PHF20L1: variants seen among roughly 807,000 people sequenced by gnomAD.
PHF20L1 encodes the protein PHD finger protein 20-like protein 1.
PHF20L1 carries 44 observed loss-of-function variants against 125.5 expected under a neutral mutation model. That is an observed-to-expected ratio of 0.35 (90% confidence interval 0.28 to 0.45). PHF20L1 has a LOEUF of 0.45. Among genes scored for constraint, PHF20L1 ranks in the 20% least tolerant of loss-of-function variants. The pLI is 1.00. For missense variants in PHF20L1, 1,012 were observed against 1,217.2 expected, an observed-to-expected ratio of 0.83 and a Z score of 2.51; for synonymous variants, 380 against 403.1, an observed-to-expected ratio of 0.94 and a Z score of 0.69.
At chr8:132,826,231 A>T (rs907705636) in intron 14 of PHF20L1, 2 of 151,574 alleles carry the variant, frequency 1.3e-5, no homozygotes, top group Non-Finnish European at 2.9e-5. Context: ...ATGAAACGCA[A>T]TTGTTAAAAC....
At chr8:132,833,226 T>G (rs1273590470) in intron 15 of PHF20L1, among the ~76,000 whole-genome samples, 1 of 152,090 alleles carries the variant, frequency 6.6e-6, no homozygotes, top group African/African-American at 2.4e-5. Flanking sequence ...CCCTTTTTCT[T>G]TCTTCTGACT....
At chr8:132,811,252 T>TGATATATTTTTAACTC in intron 9 of PHF20L1, 124 bp downstream of exon 9, 1 of 1,471,506 alleles carries the variant, frequency 6.8e-7, no homozygotes, top group Non-Finnish European at 9.0e-7. Flanking sequence ...AATTAATTGA[T>TGATATATTTTTAACTC]GATATATTTT....
rs1481563066 is a variant in PHF20L1, at chr8:132,846,359, C to A, written c.*436C>A. 6.5e-6 allele frequency: 1 copy of A among 153,592 alleles called. No individual in the cohort carries two copies. The highest frequency in any genetic ancestry group is 1.5e-5 in the Non-Finnish European group (1 of 68,738). The allele number at this position is 153,592 out of a possible 1,614,324, so 9.5% of individuals were successfully genotyped here. ...AAGGAAATTTAAATTCTGGAGAATT[C>A]TACAGGGTTGCTCTAAGAACTGTCT... is the stretch of plus-strand genomic sequence containing the variant. On this transcript the variant is annotated 3_prime_UTR_variant, in exon 21 of 21. Transcript: ENST00000395386.
At chr8:132,841,721 T>C (rs1837953291) in intron 18 of PHF20L1, 1 of 152,080 alleles carries the variant, frequency 6.6e-6, no homozygotes, top group African/African-American at 2.4e-5. Context: ...ATTAGTATAA[T>C]CCCTTTTGAG....
chr8:132,786,009 A>C (rs1056557560), intron 2 of PHF20L1, among the ~76,000 whole-genome samples: 3 of 152,114 alleles, frequency 2.0e-5, no homozygotes, highest in Non-Finnish European at 4.4e-5. Context: ...AAGTTTTGGG[A>C]TATCTTGAAA....
At chr8:132,799,072 T>G (rs1243529041) in intron 5 of PHF20L1, 23 bp from the exon 6 acceptor site, 2 of 1,593,552 alleles carry the variant, frequency 1.3e-6, no homozygotes, top group African/African-American at 1.3e-5. Context: ...GCTAAAGTTA[T>G]AGGTCACTAG....
chr8:132,828,855 A>C (rs74386122), intron 14 of PHF20L1, among the ~76,000 whole-genome samples: 3,005 of 152,194 alleles, frequency 0.02, 95 homozygotes, highest in African/African-American at 0.068. Context: ...GAGAATTGAA[A>C]GCATTGCATA....
chr8:132,795,295 A>G lies in PHF20L1; in HGVS notation c.340+478A>G, dbSNP rs577846797. 3.3e-4 allele frequency among the ~76,000 whole-genome samples: 50 copies of G among 152,230 alleles called. 1 individual carries two copies. The highest frequency in any genetic ancestry group is 8.9e-4 in the African/African-American group (37 of 41,556). Reference sequence around the variant, plus strand: ...TTGTGTCTCTCCCTGCTGTCCTGTCATTAATTTCTACAGATAATTGAGTTA... The same window carrying G: ...TTGTGTCTCTCCCTGCTGTCCTGTCGTTAATTTCTACAGATAATTGAGTTA... On this transcript the variant is annotated intron_variant, in intron 4 of 20. Coordinates refer to ENST00000395386, the MANE Select transcript of PHF20L1 (RefSeq NM_016018.5).
intron 10 of PHF20L1, 160 bp downstream of exon 10, chr8:132,815,049 A>G (rs1834801160): frequency 3.7e-6 from 2 of 538,164 alleles, no homozygotes; most frequent in Non-Finnish European, 3.2e-6. Context: ...AACCATAGAC[A>G]TTTCTTACTG....
intron 20 of PHF20L1, among the ~76,000 whole-genome samples, chr8:132,845,313 C>T (rs1838323904): frequency 6.6e-6 from 1 of 150,732 alleles, no homozygotes; most frequent in South Asian, 2.1e-4. Context: ...TTGCTACTTC[C>T]TTTTCTTTGT....
At chr8:132,811,850 T>C in intron 9 of PHF20L1, 1 of 983,360 alleles carries the variant, frequency 1.0e-6, no homozygotes, top group Non-Finnish European at 1.2e-6. Context: ...TGTTTTAAAA[T>C]CTGAGCCTTA....
At chr8:132,820,058 T>A (rs1242602341) in intron 12 of PHF20L1, among the ~76,000 whole-genome samples, 3 of 151,862 alleles carry the variant, frequency 2.0e-5, no homozygotes, top group Non-Finnish European at 4.4e-5. Context: ...ATAATGAACT[T>A]GCAATAATCT....
chr8:132,801,219 T>C (rs975522390), intron 6 of PHF20L1, among the ~76,000 whole-genome samples: 33 of 151,738 alleles, frequency 2.2e-4, no homozygotes, highest in African/African-American at 7.7e-4. Context: ...ATACAAAATA[T>C]ACGTTGTGAC....
intron 2 of PHF20L1, among the ~76,000 whole-genome samples, chr8:132,790,127 CACT>C (rs1234565545): frequency 6.6e-6 from 1 of 152,152 alleles, no homozygotes; most frequent in East Asian, 1.9e-4. Flanking sequence ...ACAACATTAA[CACT>C]ACAGCTTCCA....
chr8:132,828,637 C>T (rs1587028668), intron 14 of PHF20L1, among the ~76,000 whole-genome samples: 1 of 151,954 alleles, frequency 6.6e-6, no homozygotes, highest in East Asian at 1.9e-4. Flanking sequence ...TTTTGATTAA[C>T]ATAATTGGTT....
At chr8:132,843,724 A>T (rs1318898728) in intron 19 of PHF20L1, 1 of 984,814 alleles carries the variant, frequency 1.0e-6, no homozygotes, top group African/African-American at 1.8e-5. Flanking sequence ...AGTAAAGTCC[A>T]GTCTGTAGTT....
intron 13 of PHF20L1, 50 bp from the exon 14 acceptor site, chr8:132,825,214 A>G (rs1836035341): frequency 3.1e-6 from 5 of 1,587,880 alleles, no homozygotes; most frequent in Admixed American, 1.7e-5. Flanking sequence ...CCACAAAGGA[A>G]CAACTCAGGA....
chr8:132,787,899 C>T (rs949612948), intron 2 of PHF20L1, among the ~76,000 whole-genome samples: 3 of 152,022 alleles, frequency 2.0e-5, no homozygotes, highest in African/African-American at 7.2e-5. Context: ...GGCAAATAAT[C>T]CTCTCACTAA....
At chr8:132,828,328 CTG>C (rs1478345980) in intron 14 of PHF20L1, among the ~76,000 whole-genome samples, 1 of 151,914 alleles carries the variant, frequency 6.6e-6, no homozygotes, top group East Asian at 1.9e-4. Context: ...CAACAGTTAA[CTG>C]AGAGAGAGTG....
Sources: allele counts gnomAD v4.1 joint callset (sites outside exome capture counted in the v4.1 genomes callset), GRCh38; gene constraint gnomAD v4.1.1; transcripts MANE v1.5; gene names NCBI Gene and HGNC (gene_info 2026-07-23, HGNC 2026-07-21).